The following GABRA3 variants were observed in gnomAD, a reference collection of about 807,000 sequenced individuals.
GABRA3 encodes gamma-aminobutyric acid type A receptor subunit alpha3, also known as gamma-aminobutyric acid receptor subunit alpha-3.
Under a neutral mutation model 30.1 loss-of-function variants are expected in GABRA3, and 10 were observed. That is an observed-to-expected ratio of 0.33 (90% CI 0.20 to 0.56). The LOEUF is 0.56. Ranked by LOEUF, GABRA3 falls within the 20% of genes least tolerant of loss-of-function variation. The pLI, the probability that GABRA3 is intolerant of heterozygous loss-of-function variation, is 0.89. For synonymous variants in GABRA3, 151 were observed against 146.8 expected, an observed-to-expected ratio of 1.03 and a Z score of -0.21; for missense variants, 233 against 392.0, an observed-to-expected ratio of 0.59 and a Z score of 3.42.
At chrX:152,414,756 C>T (rs1172349006) in intron 1 of GABRA3, among the ~76,000 whole-genome samples, 4 of 108,036 alleles carry the variant, frequency 3.7e-5, no homozygotes, top group African/African-American at 1.3e-4. Flanking sequence ...CAGCTTTGCT[C>T]ATAATTGCCA....
At chrX:152,198,259 A>G (rs1463422455) in intron 7 of GABRA3, among the ~76,000 whole-genome samples, 1 of 111,902 alleles carries the variant, frequency 8.9e-6, no homozygotes, top group Non-Finnish European at 1.9e-5. Context: ...TAAAGCCCAA[A>G]GTCAAGCCCA....
chrX:152,345,750 A>G, intron 2 of GABRA3, 48 bp from the exon 3 acceptor site: 1 of 1,084,529 alleles, frequency 9.2e-7, no homozygotes, highest in Non-Finnish European at 1.2e-6. Flanking sequence ...CTTAATAGGA[A>G]AAAAAATACA....
At chrX:152,365,268 T>C (rs763538056) in intron 1 of GABRA3, among the ~76,000 whole-genome samples, 1 of 111,668 alleles carries the variant, frequency 9.0e-6, no homozygotes, top group South Asian at 3.8e-4. Flanking sequence ...GGCTCTTGAA[T>C]AAGAATGCAG....
chrX:152,326,438 T>G (rs1940059869), intron 3 of GABRA3, among the ~76,000 whole-genome samples: 1 of 111,127 alleles, frequency 9.0e-6, no homozygotes, highest in Admixed American at 9.6e-5. Flanking sequence ...GAAAAAATGT[T>G]AAGGGCAGCC....
chrX:152,197,381 C>T (rs192514424), intron 8 of GABRA3, among the ~76,000 whole-genome samples: 161 of 111,644 alleles, frequency 1.4e-3, no homozygotes, highest in Non-Finnish European at 2.5e-3. Context: ...ATAATTCCCT[C>T]TCCAGCTTTT....
chrX:152,383,914 T>C (rs1929222852), intron 1 of GABRA3, among the ~76,000 whole-genome samples: 1 of 105,438 alleles, frequency 9.5e-6, no homozygotes, highest in African/African-American at 3.5e-5. Context: ...AGAGGCGAAA[T>C]TGTCTCTGGT....
At chrX:152,235,298 A>G (rs1374160294) in intron 5 of GABRA3, among the ~76,000 whole-genome samples, 2 of 111,561 alleles carry the variant, frequency 1.8e-5, no homozygotes, top group East Asian at 5.6e-4. Context: ...ATTGATTTTT[A>G]TATGTGGATT....
At chrX:152,170,386 C>T (rs1283663105) in intron 9 of GABRA3, among the ~76,000 whole-genome samples, 1 of 112,427 alleles carries the variant, frequency 8.9e-6, no homozygotes, top group East Asian at 2.8e-4. Context: ...TAAACATAGC[C>T]CACTACAGTC....
chrX:152,215,075 A>G (rs1044786510), intron 6 of GABRA3, among the ~76,000 whole-genome samples: 5 of 106,772 alleles, frequency 4.7e-5, no homozygotes, highest in African/African-American at 1.7e-4. Context: ...TGATTATGTC[A>G]TCTGCAAACA....
intron 4 of GABRA3, among the ~76,000 whole-genome samples, chrX:152,275,167 T>TAA (rs752572488): frequency 1.7e-3 from 115 of 66,249 alleles, no homozygotes; most frequent in South Asian, 2.6e-3. Flanking sequence ...ATTATATATA[T>TAA]AATTTATATA....
chrX:152,322,000 C>A (rs936131150), intron 3 of GABRA3, among the ~76,000 whole-genome samples: 12 of 111,874 alleles, frequency 1.1e-4, no homozygotes, highest in African/African-American at 3.9e-4. Flanking sequence ...AGGTATAAAA[C>A]CTGAAAACAG....
intron 3 of GABRA3, among the ~76,000 whole-genome samples, chrX:152,293,633 C>T (rs1939466967): frequency 1.8e-5 from 2 of 111,703 alleles, no homozygotes; most frequent in Non-Finnish European, 3.8e-5. Flanking sequence ...TTATTGTTAA[C>T]AAACAATAGT....
rs1930515944 is a variant in GABRA3 at position 152,426,431 on chromosome X, T to C, written c.-27+24715A>G. On this transcript the variant is annotated intron_variant, in intron 1 of 9. Coordinates refer to ENST00000370314, the MANE Select transcript of GABRA3 (RefSeq NM_000808.4). ...GAAGCACTCTTACAATCATACTGCT[T>C]AGTTTGCTATGTATTCACAAGTACA... 3.6e-5 allele frequency among the ~76,000 whole-genome samples: 4 copies of C among 112,026 alleles called. No individual in the cohort carries two copies. The South Asian group carries it at 1.5e-3, about 42-fold the overall frequency.
chrX:152,301,186 G>C (rs887229633), intron 3 of GABRA3, among the ~76,000 whole-genome samples: 2 of 111,612 alleles, frequency 1.8e-5, no homozygotes, highest in African/African-American at 3.3e-5. Context: ...AAATCACAGA[G>C]GATATATGAT....
At chrX:152,294,232 G>A (rs1939481084) in intron 3 of GABRA3, among the ~76,000 whole-genome samples, 1 of 111,295 alleles carries the variant, frequency 9.0e-6, no homozygotes, top group Admixed American at 9.6e-5. Context: ...TTCCAACTTG[G>A]TTCCATTCTC....
At chrX:152,365,660 G>T (rs773460147) in intron 1 of GABRA3, among the ~76,000 whole-genome samples, 103 of 110,713 alleles carry the variant, frequency 9.3e-4, no homozygotes, top group African/African-American at 1.2e-3. Context: ...TATATAACTG[G>T]TTTTTTTTCC....
intron 1 of GABRA3, 73 bp from the exon 2 acceptor site, chrX:152,364,669 T>TA (rs752045747): frequency 1.3e-6 from 1 of 766,519 alleles, no homozygotes; most frequent in African/African-American, 2.2e-5. Flanking sequence ...GAGAAAGAGG[T>TA]AAAAAAGAGA....
intron 4 of GABRA3, among the ~76,000 whole-genome samples, chrX:152,270,182 T>G (rs906864732): frequency 2.7e-5 from 3 of 111,600 alleles, no homozygotes; most frequent in Non-Finnish European, 3.8e-5. Flanking sequence ...GTAATTGAAT[T>G]ACAGTGGCAG....
At chrX:152,309,153 C>A (rs771059836) in intron 3 of GABRA3, among the ~76,000 whole-genome samples, 1 of 111,528 alleles carries the variant, frequency 9.0e-6, no homozygotes, top group East Asian at 2.8e-4. Flanking sequence ...AGAGACAAAA[C>A]CTATGATTCA....
Sources: allele counts gnomAD v4.1 joint callset (sites outside exome capture counted in the v4.1 genomes callset), GRCh38; gene constraint gnomAD v4.1.1; transcripts MANE v1.5; gene names NCBI Gene and HGNC (gene_info 2026-07-23, HGNC 2026-07-21).